Variants in JPH1 observed in about 807,000 individuals in gnomAD.
The protein encoded by JPH1 is junctophilin 1.
In JPH1, 12 loss-of-function variants were observed where a neutral mutation model predicts 53.6. That is an observed-to-expected ratio of 0.22 (90% confidence interval 0.14 to 0.36). The LOEUF (loss-of-function observed/expected upper bound fraction) is 0.36, where lower values mean the gene tolerates loss of function less well. Ranked by LOEUF, JPH1 falls within the 10% of genes least tolerant of loss-of-function variation. The pLI is 1.00. For missense variants in JPH1, 808 were observed against 905.5 expected (o/e 0.89, Z 1.38); for synonymous variants, 375 against 363.8 (o/e 1.03, Z -0.35).
intron 2 of JPH1, among the ~76,000 whole-genome samples, chr8:74,290,600 T>C (rs1008017304): frequency 1.3e-4 from 20 of 152,176 alleles, no homozygotes. Context: ...AAGCTACCAA[T>C]GACTTTCTTC....
Position 74,320,771 on chromosome 8 carries a change from G to C in JPH1, c.379+138C>G, listed in dbSNP as rs918353186. ...CTCTGGGAAAGGCGGGCGCGGGCGC[G>C]GGGGTGGGAGGCGCCCCCAGGTGTT... On this transcript the variant is annotated intron_variant, in intron 1 of 5. Transcript: ENST00000342232. This position sits in a 1 kb window ranked among gnomAD's most constrained non-coding sequence, Gnocchi z 4.4. 2 of 1,057,664 alleles carry C rather than the reference G, an allele frequency of 1.9e-6. No homozygotes were observed. The highest frequency in any genetic ancestry group is 2.0e-5 in the South Asian group (1 of 48,978). The allele number at this position is 1,057,664 out of a possible 1,614,324, so 65.5% of individuals were successfully genotyped here. A position where few individuals can be genotyped will look rare whatever the true frequency, so the allele number is the denominator to read the frequency against.
At chr8:74,295,859 A>G (rs1807493818) in intron 2 of JPH1, among the ~76,000 whole-genome samples, 1 of 151,916 alleles carries the variant, frequency 6.6e-6, no homozygotes, top group Non-Finnish European at 1.5e-5. Context: ...AACCTCCAAA[A>G]CTGCAACTCA....
chr8:74,263,402 C>T (rs533861952), intron 2 of JPH1, among the ~76,000 whole-genome samples: 2 of 152,264 alleles, frequency 1.3e-5, no homozygotes, highest in African/African-American at 2.4e-5. Context: ...GATTCAGGGA[C>T]CGTCCTTGTG....
chr8:74,285,523 A>G (rs913301616), intron 2 of JPH1, among the ~76,000 whole-genome samples: 15 of 152,150 alleles, frequency 9.9e-5, no homozygotes, highest in Non-Finnish European at 1.8e-4. Flanking sequence ...AGATCTTGAA[A>G]GCTTTAAAAA....
At chr8:74,291,257 T>G (rs1238597322) in intron 2 of JPH1, among the ~76,000 whole-genome samples, 1 of 152,140 alleles carries the variant, frequency 6.6e-6, no homozygotes. Context: ...ATATCCAGAA[T>G]CTACAAAGAA....
intron 2 of JPH1, among the ~76,000 whole-genome samples, chr8:74,269,802 G>A (rs906992121): frequency 1.3e-5 from 2 of 152,364 alleles, no homozygotes; most frequent in Non-Finnish European, 1.5e-5. Flanking sequence ...TGAATGGGCA[G>A]AGCCCAGGTC....
chr8:74,289,999 G>C (rs915676235), intron 2 of JPH1, among the ~76,000 whole-genome samples: 1 of 152,068 alleles, frequency 6.6e-6, no homozygotes, highest in East Asian at 1.9e-4. Context: ...TTTTTGCATC[G>C]ATGTTCATCA....
At chr8:74,316,446 G>A (rs1475184520) in intron 1 of JPH1, among the ~76,000 whole-genome samples, 1 of 152,178 alleles carries the variant, frequency 6.6e-6, no homozygotes, top group Non-Finnish European at 1.5e-5. Flanking sequence ...CTGAGGGCAG[G>A]AATTACTTCG....
chr8:74,249,337 G>C (rs1219037588), intron 3 of JPH1, among the ~76,000 whole-genome samples: 1 of 152,148 alleles, frequency 6.6e-6, no homozygotes, highest in African/African-American at 2.4e-5. Flanking sequence ...GTGAAAAGAG[G>C]ACCAGATTGA....
At chr8:74,241,243 C>T (rs542350976) in intron 4 of JPH1, among the ~76,000 whole-genome samples, 6 of 152,070 alleles carry the variant, frequency 3.9e-5, no homozygotes, top group Non-Finnish European at 5.9e-5. Flanking sequence ...AATAAAAATC[C>T]GGGATGCTCT....
In JPH1 at chr8:74,321,459, T is replaced by C; in HGVS notation, c.-172A>G. 1 of 580,114 alleles carries C rather than the reference T, an allele frequency of 1.7e-6. No individual in the cohort carries two copies. Among genetic ancestry groups the C allele is most frequent in the Non-Finnish European group, 2.7e-6 (1 of 372,470 alleles). 35.9% of individuals were successfully genotyped at this position (580,114 alleles called of 1,614,324 possible). ...GACGCCGCCCCCGTCCTCCCTCCTC[T>C]TTTGCCGCCGCCACCGCCGCCTTCC... is the stretch of plus-strand genomic sequence containing the variant. On this transcript the variant is annotated 5_prime_UTR_variant, in exon 1 of 6. Coordinates refer to ENST00000342232, the MANE Select transcript of JPH1 (RefSeq NM_020647.4). This position sits in a 1 kb window ranked among gnomAD's most constrained non-coding sequence, Gnocchi z 4.3.
chr8:74,279,785 A>T (rs1004525213), intron 2 of JPH1, among the ~76,000 whole-genome samples: 8 of 152,174 alleles, frequency 5.3e-5, no homozygotes, highest in African/African-American at 1.9e-4. Flanking sequence ...GCCTCCAACA[A>T]CAGCCCTTCA....
intron 2 of JPH1, among the ~76,000 whole-genome samples, chr8:74,307,056 T>C (rs1020295496): frequency 3.9e-5 from 6 of 152,204 alleles, no homozygotes; most frequent in Admixed American, 2.6e-4. Flanking sequence ...GGAAATGGGC[T>C]GTTTTGATAC....
intron 2 of JPH1, among the ~76,000 whole-genome samples, chr8:74,287,202 C>T (rs1586758863): frequency 6.6e-6 from 1 of 152,056 alleles, no homozygotes; most frequent in Admixed American, 6.6e-5. Flanking sequence ...GAGGCTGAGG[C>T]GGGTGGATCA....
intron 2 of JPH1, among the ~76,000 whole-genome samples, chr8:74,306,604 CT>C (rs5892449): frequency 0.046 from 6,721 of 147,304 alleles, 533 homozygotes; most frequent in African/African-American, 0.16. Flanking sequence ...TCTACACTAA[CT>C]TTTTTTTTTT....
At chr8:74,290,956 C>T (rs985512191) in intron 2 of JPH1, among the ~76,000 whole-genome samples, 24 of 152,142 alleles carry the variant, frequency 1.6e-4, no homozygotes, top group Non-Finnish European at 2.8e-4. Flanking sequence ...GGATCCCGTC[C>T]TTACACCTTA....
chr8:74,313,555 T>A (rs201006979), intron 2 of JPH1, among the ~76,000 whole-genome samples: 1 of 148,024 alleles, frequency 6.8e-6, no homozygotes. Context: ...GTAGAGGAAT[T>A]AAAAAAAAAA....
At chr8:74,257,444 A>G (rs1455315899) in intron 3 of JPH1, among the ~76,000 whole-genome samples, 2 of 152,206 alleles carry the variant, frequency 1.3e-5, no homozygotes, top group East Asian at 3.8e-4. Context: ...CAACAGAATT[A>G]ACAGAACCAA....
At position 74,315,194 on chromosome 8, in the gene JPH1, A is replaced by G; in HGVS notation, c.806T>C (p.Val269Ala). 1 of 1,614,176 alleles carries G rather than the reference A, an allele frequency of 6.2e-7. No individual in the cohort carries two copies. Among genetic ancestry groups the G allele is most frequent in the South Asian group, 1.1e-5 (1 of 91,082 alleles). The change falls in exon 2 of 6, where the codon GTG becomes GCG. Residue 269 changes from valine (V) to alanine (A), a missense_variant. Around this residue, in one of 2 missense-constraint regions of JPH1, gnomAD observed 756 missense variants for 811.9 expected, o/e 0.93. Transcript: ENST00000342232. This position sits in a 1 kb window ranked among gnomAD's most constrained non-coding sequence, Gnocchi z 6.3. ...GGTGGTGGCGTCCACGTGGTCTTCCACCGGGCAAAAATCACAATCTACATC... is the reference window on the plus strand; with the variant it reads ...GGTGGTGGCGTCCACGTGGTCTTCCGCCGGGCAAAAATCACAATCTACATC... ...FGDVDCDFCPVEDHVDATTTE... is the reference protein window; with the variant it reads ...FGDVDCDFCPAEDHVDATTTE...
Sources: allele counts gnomAD v4.1 joint callset (sites outside exome capture counted in the v4.1 genomes callset), GRCh38; gene constraint gnomAD v4.1.1; regional missense constraint gnomAD v4.1.1; non-coding constraint Gnocchi (gnomAD v3.1); transcripts MANE v1.5; gene names NCBI Gene and HGNC (gene_info 2026-07-23, HGNC 2026-07-21).